The following PIBF1 variants were observed in gnomAD, a reference collection of about 807,000 sequenced individuals.
The protein encoded by PIBF1 is progesterone-induced-blocking factor 1.
PIBF1 carries 90 observed loss-of-function variants against 112.5 expected under a neutral mutation model. The observed-to-expected ratio is 0.80, with a 90% CI of 0.67 to 0.95. The LOEUF is 0.95. Ranked by LOEUF, PIBF1 falls within the 40% of genes least tolerant of loss-of-function variation. PIBF1 has a pLI of 0.00. For missense variants in PIBF1, 915 were observed against 852.3 expected, an observed-to-expected ratio of 1.07 and a Z score of -0.92; for synonymous variants, 301 against 288.6, an observed-to-expected ratio of 1.04 and a Z score of -0.44.
intron 10 of PIBF1, among the ~76,000 whole-genome samples, chr13:72,877,155 C>T (rs1391071500): frequency 2.0e-5 from 3 of 151,910 alleles, no homozygotes; most frequent in African/African-American, 4.8e-5. Context: ...TTTTTTCTTC[C>T]TCAGCTTGTT....
In PIBF1 at chr13:72,854,170, A is replaced by G; in HGVS notation, c.1322+15A>G. 6.6e-7 allele frequency: 1 copy of G among 1,509,036 alleles called. No individual in the cohort carries two copies. Among genetic ancestry groups the G allele is most frequent in the Non-Finnish European group, 9.2e-7 (1 of 1,086,134 alleles). The allele number at this position is 1,509,036 out of a possible 1,614,324, so 93.5% of individuals were successfully genotyped here. On this transcript the variant is annotated intron_variant, in intron 10 of 17. Transcript: ENST00000326291. ...CTCTTAGACAGGTAAGCATCATAAA[A>G]ATAGAAATGTTAAAACTCTTCCATT...
rs1176079981 is a variant in PIBF1, at chr13:73,010,810, C to CTTTTTTTTTTTTTTTTT, written c.2224-5045_2224-5029dup. Among the ~76,000 whole-genome samples the CTTTTTTTTTTTTTTTTT allele has an allele frequency of 8.0e-3, 323 of 40,310 alleles. 62 individuals carry two copies. Among genetic ancestry groups the CTTTTTTTTTTTTTTTTT allele is most frequent in the Non-Finnish European group, 8.7e-3 (196 of 22,544 alleles). 26.4% of individuals were successfully genotyped at this position (40,310 alleles called of 152,430 possible). On this transcript the variant is annotated intron_variant, in intron 17 of 17. Transcript: ENST00000326291. Reference sequence around the variant, plus strand: ...CTGAGCTGGAAAATCATTAACTTTTCTTTTTTTTTTTTTTTTTTTTTTTTT... The same window carrying CTTTTTTTTTTTTTTTTT: ...CTGAGCTGGAAAATCATTAACTTTTCTTTTTTTTTTTTTTTTTTTTTTTTTTTTTTTTTTTTTTTTTT...
At chr13:72,875,531 G>A (rs529271567) in intron 10 of PIBF1, among the ~76,000 whole-genome samples, 70 of 152,266 alleles carry the variant, frequency 4.6e-4, no homozygotes, top group African/African-American at 1.7e-3. Context: ...TTCCAAAGTG[G>A]CTATATCGGT....
intron 10 of PIBF1, among the ~76,000 whole-genome samples, chr13:72,891,167 A>G (rs1031631659): frequency 3.3e-5 from 5 of 152,170 alleles, no homozygotes; most frequent in Non-Finnish European, 5.9e-5. Flanking sequence ...GGTGCCATGT[A>G]ATGAATAAAA....
At chr13:72,808,701 CCT>C (rs1452763530) in intron 5 of PIBF1, among the ~76,000 whole-genome samples, 1 of 152,100 alleles carries the variant, frequency 6.6e-6, no homozygotes, top group Non-Finnish European at 1.5e-5. Flanking sequence ...TTCAGTTTCC[CCT>C]CTCTGGCTAT....
intron 2 of PIBF1, among the ~76,000 whole-genome samples, chr13:72,790,324 T>C (rs1425730923): frequency 2.0e-5 from 3 of 151,902 alleles, no homozygotes; most frequent in Admixed American, 6.6e-5. Context: ...GGGAGAAAAC[T>C]GATCTGGGAG....
intron 11 of PIBF1, among the ~76,000 whole-genome samples, chr13:72,897,342 A>G (rs1336451776): frequency 2.0e-5 from 3 of 152,184 alleles, no homozygotes; most frequent in Admixed American, 1.3e-4. Flanking sequence ...TCAAAACAAA[A>G]TTGCTTCAAA....
intron 15 of PIBF1, among the ~76,000 whole-genome samples, chr13:72,967,550 C>T (rs2138920302): frequency 6.6e-6 from 1 of 152,188 alleles, no homozygotes; most frequent in South Asian, 2.1e-4. Context: ...ATTCTATTCT[C>T]CTAACCATTA....
chr13:72,989,738 G>C (rs902734425), intron 16 of PIBF1, among the ~76,000 whole-genome samples: 4 of 152,100 alleles, frequency 2.6e-5, no homozygotes, highest in Non-Finnish European at 5.9e-5. Flanking sequence ...AAAAACCATT[G>C]AATTATACAC....
At chr13:72,913,201 T>G (rs1279132698) in intron 12 of PIBF1, among the ~76,000 whole-genome samples, 1 of 152,100 alleles carries the variant, frequency 6.6e-6, no homozygotes, top group African/African-American at 2.4e-5. Flanking sequence ...AGGGTTTGTG[T>G]TAAACACATG....
At chr13:72,891,484 A>C (rs1043198144) in intron 10 of PIBF1, among the ~76,000 whole-genome samples, 6 of 126,916 alleles carry the variant, frequency 4.7e-5, no homozygotes, top group African/African-American at 1.9e-4. Context: ...TTGAATTAAT[A>C]CTTTTTTTTA....
Position 72,797,955 on chromosome 13 carries a change from C to T in PIBF1, c.601C>T (p.Leu201=). Residue 201 remains leucine (L), a synonymous_variant, in exon 5 of 18, where the codon CTA becomes TTA. Coordinates refer to ENST00000326291, the MANE Select transcript of PIBF1 (RefSeq NM_006346.4). Reference sequence around the variant, plus strand: ...TCCATTAAGAAAGGAAATCTGTGAACTACAAGTGAAAAAGAATATCCTAGC... The same window carrying T: ...TCCATTAAGAAAGGAAATCTGTGAATTACAAGTGAAAAAGAATATCCTAGC... The part of the protein sequence containing the change: ...VNPLRKEICE[L]QVKKNILAEE... 6.2e-7 allele frequency: 1 copy of T among 1,608,388 alleles called. No individual in the cohort carries two copies. The highest frequency in any genetic ancestry group is 1.1e-5 in the South Asian group (1 of 89,918).
chr13:72,792,641 TAG>T (rs2034992982), intron 3 of PIBF1, 94 bp downstream of exon 3: 1 of 635,800 alleles, frequency 1.6e-6, no homozygotes, highest in African/African-American at 1.9e-5. Flanking sequence ...TAAGCTAAAA[TAG>T]AGAAATTTTA....
chr13:72,971,063 C>T (rs368843983), intron 15 of PIBF1, among the ~76,000 whole-genome samples: 6 of 151,938 alleles, frequency 3.9e-5, no homozygotes, highest in Admixed American at 2.0e-4. Context: ...AGTTAAAACA[C>T]GACAATATAA....
chr13:72,999,552 G>C (rs1045326103), intron 17 of PIBF1, among the ~76,000 whole-genome samples: 2 of 152,044 alleles, frequency 1.3e-5, no homozygotes, highest in African/African-American at 4.8e-5. Flanking sequence ...CTCAAAACCA[G>C]AAAGATTTTC....
intron 17 of PIBF1, among the ~76,000 whole-genome samples, chr13:73,002,585 A>G (rs2043906017): frequency 6.6e-6 from 1 of 152,130 alleles, no homozygotes; most frequent in African/African-American, 2.4e-5. Flanking sequence ...TAGAATTTAT[A>G]CTCAGGATTC....
chr13:72,973,798 C>G, intron 16 of PIBF1, 123 bp downstream of exon 16: 1 of 584,032 alleles, frequency 1.7e-6, no homozygotes, highest in Non-Finnish European at 3.0e-6. Flanking sequence ...TTATGTCTCA[C>G]TGTAATTTTG....
chr13:72,961,747 A>G (rs957376684), intron 14 of PIBF1, among the ~76,000 whole-genome samples: 1 of 152,184 alleles, frequency 6.6e-6, no homozygotes, highest in African/African-American at 2.4e-5. Context: ...TTATATACCA[A>G]AGTAGGAGCT....
chr13:72,928,007 A>G (rs1214699013), intron 13 of PIBF1, among the ~76,000 whole-genome samples: 2 of 14,488 alleles, frequency 1.4e-4, no homozygotes, highest in South Asian at 5.3e-3. Flanking sequence ...ATATATATAC[A>G]TATATATACA....
Sources: allele counts gnomAD v4.1 joint callset (sites outside exome capture counted in the v4.1 genomes callset), GRCh38; gene constraint gnomAD v4.1.1; transcripts MANE v1.5; gene names NCBI Gene and HGNC (gene_info 2026-07-23, HGNC 2026-07-21).